The following SULF2 variants were observed in gnomAD, a reference collection of about 807,000 sequenced individuals.
SULF2 encodes the protein sulfatase 2, also known as extracellular sulfatase Sulf-2.
SULF2 carries 52 observed loss-of-function variants against 107.7 expected under a neutral mutation model. The ratio of observed to expected loss-of-function variants is 0.48; its 90% CI spans 0.39 to 0.61. SULF2 has a LOEUF of 0.61. Among genes scored for constraint, SULF2 ranks in the 20% least tolerant of loss-of-function variants. The pLI is 0.00. For synonymous variants in SULF2, 460 were observed against 464.3 expected, an observed-to-expected ratio of 0.99 and a Z score of 0.12; for missense variants, 993 against 1,177.3, an observed-to-expected ratio of 0.84 and a Z score of 2.29.
In SULF2 at chr20:47,704,277, A is replaced by ATT. The variant is rs11480561; in HGVS notation, c.416-1609_416-1608dup. On this transcript the variant is annotated intron_variant, in intron 3 of 20. Coordinates refer to ENST00000688720, the MANE Select transcript of SULF2 (RefSeq NM_001387048.1). ...TCTTCTGTTTTTATTTTGCATGTAC[A>ATT]TTTTTTTTTTCTTTGAGACACGTCA... Among the ~76,000 whole-genome samples, 19 of 150,354 alleles carry ATT rather than the reference A, an allele frequency of 1.3e-4. No homozygotes were observed. In the South Asian group the frequency reaches 2.5e-3, roughly 20 times the overall value.
At chr20:47,718,611 T>C (rs1001018257) in intron 3 of SULF2, among the ~76,000 whole-genome samples, 1 of 151,784 alleles carries the variant, frequency 6.6e-6, no homozygotes, top group Non-Finnish European at 1.5e-5. Context: ...GCTTGGGTGG[T>C]TGGTTCCAGG....
intron 3 of SULF2, among the ~76,000 whole-genome samples, chr20:47,712,170 C>G (rs746171789): frequency 6.6e-5 from 10 of 152,246 alleles, no homozygotes; most frequent in African/African-American, 9.6e-5. Flanking sequence ...GCAGCCTTCC[C>G]AGAGCCCAGA....
chr20:47,715,935 T>A (rs2089106666), intron 3 of SULF2, among the ~76,000 whole-genome samples: 1 of 152,008 alleles, frequency 6.6e-6, no homozygotes, highest in African/African-American at 2.4e-5. Context: ...AGTGGAGGAG[T>A]GGGTAGAATT....
intron 3 of SULF2, among the ~76,000 whole-genome samples, chr20:47,715,536 C>T (rs970841413): frequency 1.3e-5 from 2 of 151,368 alleles, no homozygotes; most frequent in Non-Finnish European, 2.9e-5. Flanking sequence ...ACGAACACCT[C>T]GTAATGGGAG....
chr20:47,763,608 C>G (rs899846006), intron 1 of SULF2, among the ~76,000 whole-genome samples: 2 of 152,144 alleles, frequency 1.3e-5, no homozygotes, highest in African/African-American at 4.8e-5. Flanking sequence ...TGTGCAGATA[C>G]GTCCCACGGG....
At chr20:47,734,321 A>C (rs904350251) in intron 3 of SULF2, among the ~76,000 whole-genome samples, 19 of 152,214 alleles carry the variant, frequency 1.2e-4, no homozygotes, top group African/African-American at 4.6e-4. Flanking sequence ...AACATGGCTG[A>C]AGACTCAGCA....
At chr20:47,673,579 C>T (rs1355655199) in intron 10 of SULF2, among the ~76,000 whole-genome samples, 10 of 152,160 alleles carry the variant, frequency 6.6e-5, no homozygotes, top group South Asian at 2.1e-4. Context: ...GCCCCTGTCC[C>T]GCCCATCTGT....
chr20:47,661,101 A>G (rs1380736143), intron 18 of SULF2, among the ~76,000 whole-genome samples: 1 of 152,126 alleles, frequency 6.6e-6, no homozygotes, highest in Non-Finnish European at 1.5e-5. Context: ...AATGAAATCT[A>G]AACTCTACCG....
chr20:47,786,515 T>G (rs947703787), upstream of SULF2: 13 of 152,112 alleles, frequency 8.5e-5, no homozygotes, highest in African/African-American at 2.2e-4. Context: ...GACCCGCAGC[T>G]CAATCGCAGG....
intron 9 of SULF2, 77 bp downstream of exon 9, chr20:47,677,001 G>A: frequency 6.7e-7 from 1 of 1,496,478 alleles, no homozygotes; most frequent in South Asian, 1.1e-5. Context: ...ATAGCATGAT[G>A]CGGTGGGGCT....
intron 3 of SULF2, among the ~76,000 whole-genome samples, chr20:47,711,372 C>A (rs887418022): frequency 5.3e-5 from 8 of 152,240 alleles, no homozygotes; most frequent in East Asian, 1.9e-4. Context: ...CGACAGTGCA[C>A]CCCCACCCAC....
intron 11 of SULF2, among the ~76,000 whole-genome samples, chr20:47,670,817 T>C (rs944679100): frequency 2.1e-4 from 29 of 136,248 alleles, no homozygotes; most frequent in African/African-American, 5.9e-4. Flanking sequence ...AGTGGGAATA[T>C]AGTTGACACT....
At chr20:47,724,356 C>T (rs11699657) in intron 3 of SULF2, among the ~76,000 whole-genome samples, 6 of 152,188 alleles carry the variant, frequency 3.9e-5, no homozygotes, top group Admixed American at 1.3e-4. Flanking sequence ...TCCTGTCTTC[C>T]GCCTGCCTGT....
chr20:47,681,116 C>G lies in SULF2; in HGVS notation c.1064+1878G>C, dbSNP rs142101563. 7.9e-3 allele frequency among the ~76,000 whole-genome samples: 1,197 copies of G among 152,246 alleles called. 11 individuals carry two copies. The highest frequency in any genetic ancestry group is 0.024 in the Middle Eastern group (7 of 294). ...CTGACCCTGCCACAAGGAGAAAAAC[C>G]CACCTGAGAATGAAGCCAATTCGGC... On this transcript the variant is annotated intron_variant, in intron 7 of 20. Transcript: ENST00000688720.
intron 2 of SULF2, among the ~76,000 whole-genome samples, chr20:47,741,516 T>G (rs1372364957): frequency 1.3e-5 from 2 of 152,170 alleles, no homozygotes; most frequent in African/African-American, 4.8e-5. Flanking sequence ...ATCTAACACA[T>G]GATATACTTT....
At position 47,684,438 on chromosome 20, in the gene SULF2, A is replaced by G. The variant is rs769976195; in HGVS notation, c.881T>C (p.Met294Thr). The change falls in exon 6 of 21, where the codon ATG becomes ACG. Residue 294 changes from methionine to threonine, a missense_variant. This residue lies in a region of SULF2 where 388 missense variants were observed against 449.2 expected (regional missense o/e 0.86). Transcript: ENST00000688720. The stretch of plus-strand genomic sequence containing the variant: ...CATGCAGCGGGCGCCTACCGTCTCC[A>G]TGGAGTCGTCCACCGACATGAGGGT... ...LQTLMSVDDS[M>T]ETIYNMLVET... 4 of 1,610,648 alleles carry G rather than the reference A, an allele frequency of 2.5e-6. No homozygotes were observed. Among genetic ancestry groups the G allele is most frequent in the Non-Finnish European group, 3.4e-6 (4 of 1,178,438 alleles).
intron 2 of SULF2, among the ~76,000 whole-genome samples, chr20:47,744,429 A>G (rs1235650943): frequency 6.6e-6 from 1 of 152,160 alleles, no homozygotes; most frequent in Non-Finnish European, 1.5e-5. Flanking sequence ...AATAAATAAA[A>G]AATAAATAAA....
chr20:47,696,566 A>G (rs369335529), intron 4 of SULF2, among the ~76,000 whole-genome samples: 10 of 152,368 alleles, frequency 6.6e-5, no homozygotes, highest in African/African-American at 2.2e-4. Context: ...AGCAGTGAAC[A>G]AAACAAATGA....
intron 3 of SULF2, among the ~76,000 whole-genome samples, chr20:47,725,407 A>G (rs1486800485): frequency 2.0e-5 from 3 of 152,228 alleles, no homozygotes; most frequent in African/African-American, 7.2e-5. Context: ...TATGTGGAAT[A>G]CAATGCAATG....
Sources: gnomAD v4.1 joint callset for allele counts (sites outside exome capture counted in the v4.1 genomes callset) on GRCh38, gnomAD v4.1.1 for gene constraint, gnomAD v4.1.1 regional missense constraint, MANE v1.5 for transcripts, NCBI Gene and HGNC (gene_info 2026-07-23, HGNC 2026-07-21) for gene names.